PAX7: variants seen among roughly 807,000 people sequenced by gnomAD.
PAX7 encodes paired box 7, also known as paired box protein Pax-7.
In PAX7, 18 loss-of-function variants were observed where a neutral mutation model predicts 50.7. The observed-to-expected ratio is 0.36, with a 90% CI of 0.25 to 0.53. The LOEUF (loss-of-function observed/expected upper bound fraction) is 0.53, where lower values mean the gene tolerates loss of function less well. PAX7 is among the 20% of genes least tolerant of loss of function. PAX7 has a pLI of 0.93. For synonymous variants in PAX7, 310 were observed against 290.4 expected (o/e 1.07, Z -0.69); for missense variants, 644 against 702.9 (o/e 0.92, Z 0.95).
intron 4 of PAX7, among the ~76,000 whole-genome samples, chr1:18,669,564 C>G (rs898329676): frequency 7.2e-5 from 11 of 152,016 alleles, no homozygotes; most frequent in African/African-American, 2.7e-4. Context: ...ACTAGGTTAT[C>G]TCTCAGGTTG....
At chr1:18,704,491 G>A (rs559543483) in intron 7 of PAX7, among the ~76,000 whole-genome samples, 1 of 152,124 alleles carries the variant, frequency 6.6e-6, no homozygotes, top group Admixed American at 6.5e-5. Flanking sequence ...ATGATGGCAG[G>A]TGCCTGTAAT....
chr1:18,745,510 C>G lies in PAX7; in HGVS notation c.*581C>G. The stretch of plus-strand genomic sequence containing the variant: ...CCAGGGGAGTCAGCAGGGGGGCAGT[C>G]TCACCCCCACCCAGGAATTTGAAGG... On this transcript the variant is annotated 3_prime_UTR_variant, in exon 9 of 9. Transcript: ENST00000420770. 1 of 231,948 alleles carries G rather than the reference C, an allele frequency of 4.3e-6. No homozygotes were observed. The highest frequency in any genetic ancestry group is 8.5e-6 in the Non-Finnish European group (1 of 117,398). 14.4% of individuals were successfully genotyped at this position (231,948 alleles called of 1,614,324 possible).
intron 7 of PAX7, among the ~76,000 whole-genome samples, chr1:18,716,903 T>C (rs1277316305): frequency 6.6e-6 from 1 of 151,166 alleles, no homozygotes; most frequent in Non-Finnish European, 1.5e-5. Context: ...CCTCCGCTGC[T>C]GGTGGGCTCC....
At chr1:18,739,198 G>A (rs1930984915) in intron 8 of PAX7, among the ~76,000 whole-genome samples, 1 of 152,156 alleles carries the variant, frequency 6.6e-6, no homozygotes, top group Admixed American at 6.5e-5. Flanking sequence ...GAGAGGCGAG[G>A]TAGCTTTTCC....
intron 8 of PAX7, among the ~76,000 whole-genome samples, chr1:18,737,029 A>G (rs1029736898): frequency 4.6e-5 from 7 of 152,236 alleles, no homozygotes; most frequent in African/African-American, 1.7e-4. Context: ...CCCAGCTGCT[A>G]TCCCCTTTGT....
chr1:18,703,398 C>T (rs1394965950), intron 7 of PAX7, 102 bp downstream of exon 7: 1 of 1,047,644 alleles, frequency 9.5e-7, no homozygotes, highest in South Asian at 1.3e-5. Context: ...CTGTAGCAGG[C>T]TGACTGCGGT....
chr1:18,721,438 C>A (rs523997), intron 7 of PAX7, among the ~76,000 whole-genome samples: 1 of 152,052 alleles, frequency 6.6e-6, no homozygotes, highest in East Asian at 1.9e-4. Flanking sequence ...CCCTCTCCCT[C>A]GACCCCCTCC....
At chr1:18,678,133 C>T (rs1006577046) in intron 4 of PAX7, among the ~76,000 whole-genome samples, 19 of 151,548 alleles carry the variant, frequency 1.3e-4, no homozygotes, top group Admixed American at 2.6e-4. Flanking sequence ...AGCATTTAGC[C>T]GGGCGCAGTG....
At chr1:18,692,199 A>C (rs978977237) in intron 5 of PAX7, among the ~76,000 whole-genome samples, 2 of 151,908 alleles carry the variant, frequency 1.3e-5, no homozygotes, top group African/African-American at 4.8e-5. Flanking sequence ...GGAAGGGGGG[A>C]AGAAAAGGAA....
Position 18,634,248 on chromosome 1 carries a change from C to A in PAX7, c.86-55C>A. Reference sequence around the variant, plus strand: ...AGTCAGGGAGTGTACTCAGTGTCTGCTCTCCATCCTCACCCTGCACCTCTC... The same window carrying A: ...AGTCAGGGAGTGTACTCAGTGTCTGATCTCCATCCTCACCCTGCACCTCTC... On this transcript the variant is annotated intron_variant, in intron 1 of 8. Coordinates refer to ENST00000420770, the MANE Select transcript of PAX7 (RefSeq NM_001135254.2). The surrounding 1 kb of genome is among the most constrained non-coding windows in gnomAD (Gnocchi z 4.0). 7.1e-7 allele frequency: 1 copy of A among 1,412,558 alleles called. No individual in the cohort carries two copies. Among genetic ancestry groups the A allele is most frequent in the Non-Finnish European group, 9.8e-7 (1 of 1,016,944 alleles). 87.5% of individuals were successfully genotyped at this position (1,412,558 alleles called of 1,614,324 possible).
intron 8 of PAX7, among the ~76,000 whole-genome samples, chr1:18,738,292 G>A (rs575823914): frequency 1.3e-5 from 2 of 152,284 alleles, no homozygotes; most frequent in East Asian, 1.9e-4. Context: ...GGACACACAT[G>A]CTCTTGATAA....
intron 4 of PAX7, among the ~76,000 whole-genome samples, chr1:18,643,454 A>G (rs2088289445): frequency 6.6e-6 from 1 of 152,332 alleles, no homozygotes; most frequent in East Asian, 1.9e-4. Flanking sequence ...GCAGAAGAGA[A>G]TCTTGCGCAC....
intron 4 of PAX7, among the ~76,000 whole-genome samples, chr1:18,639,583 G>A (rs1486330124): frequency 6.6e-6 from 1 of 152,084 alleles, no homozygotes; most frequent in East Asian, 1.9e-4. Context: ...GAGGATCAGG[G>A]GATAGACAGG....
At chr1:18,730,886 T>G in intron 7 of PAX7, among the ~76,000 whole-genome samples, 2 of 128,118 alleles carry the variant, frequency 1.6e-5, no homozygotes, top group African/African-American at 3.1e-5. Context: ...TGATTTGGAG[T>G]AGAGGGAGAG....
chr1:18,666,533 C>T (rs1013978804), intron 4 of PAX7, among the ~76,000 whole-genome samples: 1 of 152,210 alleles, frequency 6.6e-6, no homozygotes, highest in Non-Finnish European at 1.5e-5. Flanking sequence ...TTCAGGGGTG[C>T]TAAGGGCCTG....
intron 4 of PAX7, among the ~76,000 whole-genome samples, chr1:18,643,672 G>GCTA (rs2088293755): frequency 2.0e-5 from 3 of 152,310 alleles, no homozygotes; most frequent in Admixed American, 6.5e-5. Context: ...GATAGGAGGC[G>GCTA]GGCGAGCCGC....
intron 4 of PAX7, among the ~76,000 whole-genome samples, chr1:18,662,232 C>A (rs2088610021): frequency 6.6e-6 from 1 of 152,154 alleles, no homozygotes; most frequent in African/African-American, 2.4e-5. Context: ...AGTTATGTGA[C>A]CCGGCCTTGG....
At chr1:18,686,065 C>A (rs1188642576) in intron 4 of PAX7, among the ~76,000 whole-genome samples, 1 of 152,204 alleles carries the variant, frequency 6.6e-6, no homozygotes, top group Non-Finnish European at 1.5e-5. Context: ...GCTGCTTTAA[C>A]GAGCCACAAG....
intron 4 of PAX7, among the ~76,000 whole-genome samples, chr1:18,678,429 A>G (rs931091429): frequency 6.6e-6 from 1 of 152,146 alleles, no homozygotes; most frequent in Non-Finnish European, 1.5e-5. Flanking sequence ...TTCTAGAATG[A>G]TAGGAACTAC....
Sources: allele counts gnomAD v4.1 joint callset (sites outside exome capture counted in the v4.1 genomes callset), GRCh38; gene constraint gnomAD v4.1.1; non-coding constraint Gnocchi (gnomAD v3.1); transcripts MANE v1.5; gene names NCBI Gene and HGNC (gene_info 2026-07-23, HGNC 2026-07-21).